The following KIF13A variants were observed in gnomAD, a reference collection of about 807,000 sequenced individuals.
The protein encoded by KIF13A is kinesin family member 13A.
Under a neutral mutation model 212.2 loss-of-function variants are expected in KIF13A, and 79 were observed. That is an observed-to-expected ratio of 0.37 (90% CI 0.31 to 0.45). KIF13A has a LOEUF of 0.45. Ranked by LOEUF, KIF13A falls within the 20% of genes least tolerant of loss-of-function variation. The pLI is 1.00. For synonymous variants in KIF13A, 789 were observed against 808.6 expected, an observed-to-expected ratio of 0.98 and a Z score of 0.41; for missense variants, 1,901 against 2,209.0, an observed-to-expected ratio of 0.86 and a Z score of 2.79.
chr6:17,958,704 T>G (rs1778554490), intron 2 of KIF13A, among the ~76,000 whole-genome samples: 2 of 152,272 alleles, frequency 1.3e-5, no homozygotes, highest in East Asian at 1.9e-4. Flanking sequence ...GATATTTCAA[T>G]TATATGATTT....
chr6:17,870,634 T>C lies in KIF13A; in HGVS notation c.220+2743A>G, dbSNP rs1769916990. Among the ~76,000 whole-genome samples, 3 of 152,216 alleles carry C rather than the reference T, an allele frequency of 2.0e-5. No individual in the cohort carries two copies. In the South Asian group the frequency reaches 6.2e-4, roughly 31 times the overall value. ...CTCCAATAGCCCCTATTTTTCACCA[T>C]ATTAGTCTGAAGTTCTTAGAATTTC... On this transcript the variant is annotated intron_variant, in intron 4 of 38. Coordinates refer to ENST00000259711, the MANE Select transcript of KIF13A (RefSeq NM_022113.6).
At position 17,800,036 on chromosome 6, in the gene KIF13A, C is replaced by T. The variant is rs755574507; in HGVS notation, c.2532G>A (p.Ser844=). The change falls in exon 21 of 39, where the codon TCG becomes TCA. Residue 844 remains serine, a synonymous_variant. Coordinates refer to ENST00000259711, the MANE Select transcript of KIF13A (RefSeq NM_022113.6). ...VPERVVEDDS[S]ENSSESGSLE... ...GGCTCCCACTTTCACTGGAATTCTC[C>T]GAAGAGTCATCCTCCACCACACGCT... The T allele has an allele frequency of 3.2e-5, 52 of 1,614,006 alleles. No individual in the cohort carries two copies. The highest frequency in any genetic ancestry group is 4.3e-5 in the Non-Finnish European group (51 of 1,179,898).
chr6:17,864,192 C>T lies in KIF13A; in HGVS notation c.221-8070G>A, dbSNP rs1006859. Among the ~76,000 whole-genome samples, 32 of 152,306 alleles carry T rather than the reference C, an allele frequency of 2.1e-4. No homozygotes were observed. The South Asian group carries it at 6.4e-3, about 31-fold the overall frequency. ...ATCCAAGAGGCCTGTGACTTTTCAG[C>T]AGAACCGATGCCAAAAAGGCGGTGG... On this transcript the variant is annotated intron_variant, in intron 4 of 38. Coordinates refer to ENST00000259711, the MANE Select transcript of KIF13A (RefSeq NM_022113.6).
At position 17,900,626 on chromosome 6, in the gene KIF13A, AAGTAAACCCTGT is replaced by A. The variant is rs543055778; in HGVS notation, c.147-2458_147-2447del. ...ACAAGGACCCTTGCTACAGAAGGAA[AAGTAAACCCTGT>A]AGTGCATCATCACTGTACTTCATTC... On this transcript the variant is annotated intron_variant, in intron 2 of 38. Coordinates refer to ENST00000259711, the MANE Select transcript of KIF13A (RefSeq NM_022113.6). This position sits in a 1 kb window ranked among gnomAD's most constrained non-coding sequence, Gnocchi z 4.6. Among the ~76,000 whole-genome samples the A allele has an allele frequency of 3.3e-4, 50 of 152,228 alleles. No individual in the cohort carries two copies. The highest frequency in any genetic ancestry group is 6.5e-4 in the Non-Finnish European group (44 of 68,040).
intron 12 of KIF13A, among the ~76,000 whole-genome samples, chr6:17,832,829 C>G (rs548230095): frequency 1.1e-4 from 16 of 151,170 alleles, no homozygotes; most frequent in East Asian, 3.9e-4. Flanking sequence ...TGGGGCAACA[C>G]GGTGAAACCC....
In KIF13A at chr6:17,951,750, G is replaced by A. The variant is rs184658913; in HGVS notation, c.146+35304C>T. Among the ~76,000 whole-genome samples the A allele has an allele frequency of 5.3e-5, 8 of 152,220 alleles. No homozygotes were observed. The Middle Eastern group carries it at 0.014, about 259-fold the overall frequency. On this transcript the variant is annotated intron_variant, in intron 2 of 38. Coordinates refer to ENST00000259711, the MANE Select transcript of KIF13A (RefSeq NM_022113.6). The surrounding 1 kb of genome is among the most constrained non-coding windows in gnomAD (Gnocchi z 4.9). ...CTTATGACTGCTTATTTCACTTAAT[G>A]TTATGTTTACAAAAAGTTCATCAAT...
intron 2 of KIF13A, among the ~76,000 whole-genome samples, chr6:17,959,061 A>T (rs1242851385): frequency 2.0e-5 from 3 of 151,048 alleles, no homozygotes; most frequent in African/African-American, 7.3e-5. Flanking sequence ...ATTTTTTTTA[A>T]AATTTATATT....
At chr6:17,865,714 C>T (rs1423104710) in intron 4 of KIF13A, among the ~76,000 whole-genome samples, 13 of 152,116 alleles carry the variant, frequency 8.5e-5, no homozygotes, top group African/African-American at 2.2e-4. Context: ...CTTGGTATTG[C>T]TAGATTTAAG....
rs1290353182 is a variant in KIF13A, at chr6:17,771,019, C to T, written c.4581+95G>A. ...TTTTCTTTAAGACAAAGACCCAATA[C>T]ATGTCTTAATTTCTTCTAGCATTTG... On this transcript the variant is annotated intron_variant, in intron 38 of 38. Transcript: ENST00000259711. This position sits in a 1 kb window ranked among gnomAD's most constrained non-coding sequence, Gnocchi z 5.4. The T allele has an allele frequency of 1.0e-5, 8 of 799,038 alleles. No homozygotes were observed. Among genetic ancestry groups the T allele is most frequent in the South Asian group, 6.6e-5 (4 of 60,448 alleles). The allele number at this position is 799,038 out of a possible 1,614,324, so 49.5% of individuals were successfully genotyped here. A position where few individuals can be genotyped will look rare whatever the true frequency, so the allele number is the denominator to read the frequency against.
At chr6:17,978,046 A>C (rs933639805) in intron 2 of KIF13A, among the ~76,000 whole-genome samples, 2 of 152,248 alleles carry the variant, frequency 1.3e-5, no homozygotes, top group South Asian at 4.1e-4. Context: ...TCAATGACTC[A>C]CCGAATTGTT....
rs140173920 is a variant in KIF13A at position 17,776,492 on chromosome 6, C to T, written c.4170+785G>A. Among the ~76,000 whole-genome samples, 1 of 147,856 alleles carries T rather than the reference C, an allele frequency of 6.8e-6. No homozygotes were observed. Among genetic ancestry groups the T allele is most frequent in the Admixed American group, 6.7e-5 (1 of 14,870 alleles). Reference sequence around the variant, plus strand: ...TTTCAATTTACAACTATATGAGTCTCTCTTATCTATTTCTAATAAATGCAT... The same window carrying T: ...TTTCAATTTACAACTATATGAGTCTTTCTTATCTATTTCTAATAAATGCAT... On this transcript the variant is annotated intron_variant, in intron 34 of 38. Transcript: ENST00000259711. The surrounding 1 kb of genome is among the most constrained non-coding windows in gnomAD (Gnocchi z 4.6).
At chr6:17,941,436 C>T (rs1176492452) in intron 2 of KIF13A, among the ~76,000 whole-genome samples, 1 of 152,060 alleles carries the variant, frequency 6.6e-6, no homozygotes, top group Non-Finnish European at 1.5e-5. Context: ...AAGCCTTAAC[C>T]CTCAGTACCT....
chr6:17,981,980 C>T (rs1384700569), intron 2 of KIF13A, among the ~76,000 whole-genome samples: 1 of 152,160 alleles, frequency 6.6e-6, no homozygotes, highest in Non-Finnish European at 1.5e-5. Context: ...GAAATAAAAA[C>T]TTGCAATATT....
intron 4 of KIF13A, among the ~76,000 whole-genome samples, chr6:17,869,019 A>AAACAAAAAAAAAAAAAAAAC (rs1554187445): frequency 7.9e-6 from 1 of 126,512 alleles, no homozygotes; most frequent in African/African-American, 2.9e-5. Flanking sequence ...AAAAAAAAAA[A>AAACAAAAAAAAAAAAAAAAC]ACACAAATAA....
chr6:17,837,108 C>T lies in KIF13A; in HGVS notation c.943-18G>A, dbSNP rs769297376. 11 of 1,609,542 alleles carry T rather than the reference C, an allele frequency of 6.8e-6. No individual in the cohort carries two copies. In the Admixed American group the frequency reaches 1.8e-4, roughly 27 times the overall value. On this transcript the variant is annotated intron_variant, in intron 10 of 38. Transcript: ENST00000259711. This position sits in a 1 kb window ranked among gnomAD's most constrained non-coding sequence, Gnocchi z 5.4. ...AAGTTGTCCTGCCAAGTATTTCAAA[C>T]AGCATCTTAGGAAGCCCATTCCATG...
chr6:17,781,399 C>T, intron 29 of KIF13A, 98 bp from the exon 30 acceptor site: 3 of 1,254,086 alleles, frequency 2.4e-6, no homozygotes, highest in Admixed American at 2.7e-5. Flanking sequence ...TTGAAGTTTA[C>T]ACATAACACA....
rs112954613 is a variant in KIF13A at position 17,936,393 on chromosome 6, G to A, written c.147-38213C>T. On this transcript the variant is annotated intron_variant, in intron 2 of 38. Coordinates refer to ENST00000259711, the MANE Select transcript of KIF13A (RefSeq NM_022113.6). ...TCTGCCCACCTTGGCCTCCCAAAGT[G>A]CTGGGATTACAGGGATGAGCCATTG... 7.0e-3 allele frequency: 1,372 copies of A among 196,280 alleles called. 9 individuals are homozygous for A. Among genetic ancestry groups the A allele is most frequent in the South Asian group, 0.013 (194 of 15,342 alleles). The allele number at this position is 196,280 out of a possible 1,614,324, so 12.2% of individuals were successfully genotyped here.
rs2150289946 is a variant in KIF13A, at chr6:17,769,972, T to TA, written c.4581+1141dup. Among the ~76,000 whole-genome samples, 1 of 152,170 alleles carries TA rather than the reference T, an allele frequency of 6.6e-6. No individual in the cohort carries two copies. The highest frequency in any genetic ancestry group is 2.1e-4 in the South Asian group (1 of 4,818). On this transcript the variant is annotated intron_variant, in intron 38 of 38. Transcript: ENST00000259711. The surrounding 1 kb of genome is among the most constrained non-coding windows in gnomAD (Gnocchi z 5.8). ...GAGGAGGGGAAGAGGGATGAAGAAA[T>TA]AGAGGGAAAATGGTGCTTTTCTTCT...
chr6:17,982,486 G>C lies in KIF13A; in HGVS notation c.146+4568C>G. ...AAAAAATACATACAAAGTTTAGTAA[G>C]AGGAAGCTTTCTTCAACTGACCCTC... is the stretch of plus-strand genomic sequence containing the variant. On this transcript the variant is annotated intron_variant, in intron 2 of 38. Transcript: ENST00000259711. The surrounding 1 kb of genome is among the most constrained non-coding windows in gnomAD (Gnocchi z 5.1). 2.1e-6 allele frequency: 2 copies of C among 955,008 alleles called. No individual in the cohort carries two copies. The highest frequency in any genetic ancestry group is 2.5e-6 in the Non-Finnish European group (2 of 802,338). The allele number at this position is 955,008 out of a possible 1,614,324, so 59.2% of individuals were successfully genotyped here. A position where few individuals can be genotyped will look rare whatever the true frequency, so the allele number is the denominator to read the frequency against.
Sources: gnomAD v4.1 joint callset for allele counts (sites outside exome capture counted in the v4.1 genomes callset) on GRCh38, gnomAD v4.1.1 for gene constraint, Gnocchi (gnomAD v3.1) non-coding constraint, MANE v1.5 for transcripts, NCBI Gene and HGNC (gene_info 2026-07-23, HGNC 2026-07-21) for gene names.